Variants in TK1 observed in about 807,000 individuals in gnomAD.
TK1 encodes thymidine kinase 1.
TK1 carries 13 observed loss-of-function variants against 22.4 expected under a neutral mutation model. The ratio of observed to expected loss-of-function variants is 0.58; its 90% CI spans 0.38 to 0.92. The LOEUF (loss-of-function observed/expected upper bound fraction) is 0.92. Ranked by LOEUF, TK1 falls within the 40% of genes least tolerant of loss-of-function variation. The pLI, the probability that TK1 is intolerant of heterozygous loss-of-function variation, is 0.00. For synonymous variants in TK1, 134 were observed against 125.4 expected (o/e 1.07, Z -0.46); for missense variants, 251 against 315.7 (o/e 0.80, Z 1.55).
intron 3 of TK1, 79 bp from the exon 4 acceptor site, chr17:78,182,761 C>A: frequency 9.4e-7 from 1 of 1,069,484 alleles, no homozygotes; most frequent in Non-Finnish European, 1.3e-6. Flanking sequence ...ATGGCACTGT[C>A]GTGACCACCT....
chr17:78,175,953 C>G (rs910583083), intron 4 of TK1, among the ~76,000 whole-genome samples: 22 of 152,234 alleles, frequency 1.4e-4, no homozygotes, highest in African/African-American at 5.3e-4. Flanking sequence ...TCGGACACCA[C>G]TCTTCGCTGG....
At chr17:78,176,674 C>T (rs1484615037) in intron 4 of TK1, among the ~76,000 whole-genome samples, 1 of 152,164 alleles carries the variant, frequency 6.6e-6, no homozygotes, top group East Asian at 1.9e-4. Flanking sequence ...GAAAATGCAG[C>T]TCCCAGCCTG....
intron 4 of TK1, among the ~76,000 whole-genome samples, chr17:78,182,087 A>G (rs753942156): frequency 6.6e-6 from 1 of 152,056 alleles, no homozygotes. Context: ...TTAAAAAGGT[A>G]CAATGGCCAG....
chr17:78,184,986 G>T, intron 3 of TK1, 69 bp downstream of exon 3: 1 of 1,158,210 alleles, frequency 8.6e-7, no homozygotes, highest in Non-Finnish European at 1.3e-6. Flanking sequence ...CCATTAAAGA[G>T]AGTCCTAACA....
chr17:78,179,543 G>A (rs60174582), intron 4 of TK1: 1 of 985,446 alleles, frequency 1.0e-6, no homozygotes, highest in African/African-American at 1.7e-5. Flanking sequence ...ACAGGGGAAG[G>A]GACCCGTCAG....
At chr17:78,177,282 A>C (rs73377414) in intron 4 of TK1, among the ~76,000 whole-genome samples, 4,976 of 152,304 alleles carry the variant, frequency 0.033, 242 homozygotes, top group African/African-American at 0.11. Context: ...GCCCACCACA[A>C]GTGGAAAATT....
chr17:78,177,258 G>T (rs2075707335), intron 4 of TK1, among the ~76,000 whole-genome samples: 1 of 152,206 alleles, frequency 6.6e-6, no homozygotes, highest in Admixed American at 6.5e-5. Flanking sequence ...TCCAAAATCT[G>T]AAACTTTTTG....
chr17:78,186,837 T>G lies in TK1; in HGVS notation c.67-19A>C. 1 of 1,578,168 alleles carries G rather than the reference T, an allele frequency of 6.3e-7. No individual in the cohort carries two copies. The highest frequency in any genetic ancestry group is 8.6e-7 in the Non-Finnish European group (1 of 1,162,484). On this transcript the variant is annotated intron_variant, in intron 1 of 6. Coordinates refer to ENST00000301634, the MANE Select transcript of TK1 (RefSeq NM_003258.5). ...GAATCACCTAGGAGAGAAGGTGAGG[T>G]CATTTGAGGGCCCGCCCTGCGCGGA...
chr17:78,185,262 G>T, intron 2 of TK1, 97 bp from the exon 3 acceptor site: 1 of 872,712 alleles, frequency 1.1e-6, no homozygotes, highest in Non-Finnish European at 1.9e-6. Context: ...GTCCCTAGTG[G>T]TATGCAGACT....
At chr17:78,175,274 G>A (rs2075690394) in intron 5 of TK1, 105 bp from the exon 6 acceptor site, 3 of 1,405,536 alleles carry the variant, frequency 2.1e-6, no homozygotes, top group South Asian at 1.4e-5. Flanking sequence ...AGTTTGCTCT[G>A]ACCTTAGTCC....
At chr17:78,180,039 C>A (rs1233113370) in intron 4 of TK1, among the ~76,000 whole-genome samples, 1 of 152,236 alleles carries the variant, frequency 6.6e-6, no homozygotes, top group Non-Finnish European at 1.5e-5. Context: ...CCACTGCACT[C>A]CAGCCTGGGC....
At chr17:78,178,061 G>T (rs1015262387) in intron 4 of TK1, among the ~76,000 whole-genome samples, 2 of 152,064 alleles carry the variant, frequency 1.3e-5, no homozygotes, top group Non-Finnish European at 2.9e-5. Flanking sequence ...AGTAGAGATG[G>T]GGTTTCACCA....
chr17:78,184,040 AC>A (rs1389647021), intron 3 of TK1, among the ~76,000 whole-genome samples: 6 of 152,188 alleles, frequency 3.9e-5, no homozygotes, highest in Non-Finnish European at 5.9e-5. Flanking sequence ...GAACGAAGTG[AC>A]CTCCTCTGCT....
intron 3 of TK1, 22 bp from the exon 4 acceptor site, chr17:78,182,704 G>A (rs769666775): frequency 2.3e-5 from 36 of 1,538,940 alleles, no homozygotes; most frequent in African/African-American, 1.9e-4. Flanking sequence ...AAGCCAGAGC[G>A]TGAGCAGGGC....
intron 4 of TK1, among the ~76,000 whole-genome samples, chr17:78,176,438 G>A (rs950734922): frequency 6.6e-6 from 1 of 152,072 alleles, no homozygotes; most frequent in African/African-American, 2.4e-5. Flanking sequence ...TCTCAGCCCA[G>A]GTACTGAGGT....
intron 4 of TK1, among the ~76,000 whole-genome samples, chr17:78,178,183 T>TA (rs1025596357): frequency 4.6e-5 from 7 of 151,890 alleles, no homozygotes; most frequent in African/African-American, 1.5e-4. Context: ...AAAAAAAGTT[T>TA]AAAAAAATAA....
At position 78,174,965 on chromosome 17, in the gene TK1, A is replaced by G. The variant is rs370969141; in HGVS notation, c.514-15T>C. 81 of 1,611,208 alleles carry G rather than the reference A, an allele frequency of 5.0e-5. No individual in the cohort carries two copies. Among genetic ancestry groups the G allele is most frequent in the South Asian group, 6.6e-5 (6 of 90,862 alleles). ...ATCACCTCGACCTGGCCGCAGGGAC[A>G]GGGGATGGGTGAAGGGCCAGGACAG... On this transcript the variant is annotated splice_polypyrimidine_tract_variant and intron_variant, in intron 6 of 6. Transcript: ENST00000301634.
chr17:78,183,001 T>C (rs1272093963), intron 3 of TK1, among the ~76,000 whole-genome samples: 1 of 152,208 alleles, frequency 6.6e-6, no homozygotes, highest in Non-Finnish European at 1.5e-5. Context: ...CAAGAGTAGC[T>C]GGGACTACTG....
At chr17:78,180,577 G>T (rs546785437) in intron 4 of TK1, among the ~76,000 whole-genome samples, 1 of 152,278 alleles carries the variant, frequency 6.6e-6, no homozygotes, top group South Asian at 2.1e-4. Context: ...TCTAAGAAAA[G>T]ATTTTCAGGA....
Sources: gnomAD v4.1 joint callset for allele counts (sites outside exome capture counted in the v4.1 genomes callset) on GRCh38, gnomAD v4.1.1 for gene constraint, MANE v1.5 for transcripts, NCBI Gene and HGNC (gene_info 2026-07-23, HGNC 2026-07-21) for gene names.